Variants in DNAJC1 observed in about 807,000 individuals in gnomAD.
DNAJC1 encodes the protein dnaJ homolog subfamily C member 1.
In DNAJC1, 58 loss-of-function variants were observed where a neutral mutation model predicts 76.6. The observed-to-expected ratio is 0.76, with a 90% CI of 0.61 to 0.94. The LOEUF is 0.94. Among genes scored for constraint, DNAJC1 ranks in the 40% least tolerant of loss-of-function variants. The probability of loss-of-function intolerance (pLI) is 0.00; values close to 1 mark genes in which losing one functional copy is unlikely to be tolerated. For missense variants in DNAJC1, 689 were observed against 677.3 expected (o/e 1.02, Z -0.19); for synonymous variants, 258 against 267.9 (o/e 0.96, Z 0.36).
In DNAJC1 at chr10:21,820,734, G is replaced by A. The variant is rs560122610; in HGVS notation, c.979-14635C>T. 1.1e-4 allele frequency among the ~76,000 whole-genome samples: 17 copies of A among 152,342 alleles called. No homozygotes were observed. In the East Asian group the frequency reaches 3.1e-3, roughly 28 times the overall value. The stretch of plus-strand genomic sequence containing the variant: ...TCTGACCAACTGGTTTCAAGTTGGG[G>A]TTCCCATGACCCCCTCTTTGGGTTC... On this transcript the variant is annotated intron_variant, in intron 8 of 11. Transcript: ENST00000376980.
chr10:21,978,393 G>GA (rs1483920045), intron 1 of DNAJC1, among the ~76,000 whole-genome samples: 2 of 152,094 alleles, frequency 1.3e-5, no homozygotes, highest in African/African-American at 4.8e-5. Flanking sequence ...AGTAAAGTGG[G>GA]AAAGTCGATT....
rs192771829 is a variant in DNAJC1 at position 21,834,243 on chromosome 10, G to A, written c.979-28144C>T. Among the ~76,000 whole-genome samples, 539 of 151,822 alleles carry A rather than the reference G, an allele frequency of 3.6e-3. 3 individuals carry two copies. Among genetic ancestry groups the A allele is most frequent in the African/African-American group, 0.011 (475 of 41,442 alleles). ...CGTGCCACTGCACTCCAGCCTGGGC[G>A]ACAGAGCAAGACTCCATCTCAAAAA... On this transcript the variant is annotated intron_variant, in intron 8 of 11. Coordinates refer to ENST00000376980, the MANE Select transcript of DNAJC1 (RefSeq NM_022365.4).
chr10:21,866,812 CAG>C lies in DNAJC1; in HGVS notation c.978+15468_978+15469del, dbSNP rs546003220. On this transcript the variant is annotated intron_variant, in intron 8 of 11. Transcript: ENST00000376980. ...TCAACACAATTCAAAGGACTGAAAT[CAG>C]AGTGTGTTCTATTACAAAACAATTA... is the stretch of plus-strand genomic sequence containing the variant. 2.9e-3 allele frequency among the ~76,000 whole-genome samples: 434 copies of C among 152,176 alleles called. 7 individuals are homozygous for C. The highest frequency in any genetic ancestry group is 0.01 in the African/African-American group (421 of 41,464).
At chr10:21,834,038 G>A (rs1000369479) in intron 8 of DNAJC1, among the ~76,000 whole-genome samples, 16 of 152,084 alleles carry the variant, frequency 1.1e-4, no homozygotes, top group African/African-American at 3.9e-4. Context: ...GCTGAGGTGG[G>A]CGGACCACGA....
intron 1 of DNAJC1, among the ~76,000 whole-genome samples, chr10:21,940,707 T>C (rs1241649490): frequency 6.6e-6 from 1 of 152,120 alleles, no homozygotes; most frequent in African/African-American, 2.4e-5. Context: ...TTCTCCAAAA[T>C]ATAGATAAAC....
At chr10:21,871,072 C>T (rs1836095582) in intron 8 of DNAJC1, among the ~76,000 whole-genome samples, 1 of 151,982 alleles carries the variant, frequency 6.6e-6, no homozygotes. Flanking sequence ...TAAAACTAGC[C>T]TTATGCTAAG....
At chr10:21,845,318 TC>T (rs1835638978) in intron 8 of DNAJC1, among the ~76,000 whole-genome samples, 2 of 152,020 alleles carry the variant, frequency 1.3e-5, no homozygotes, top group Admixed American at 6.6e-5. Context: ...ACACTAAAAT[TC>T]CTAACTATGT....
chr10:21,901,897 T>C (rs537490856), intron 7 of DNAJC1, among the ~76,000 whole-genome samples: 1 of 152,318 alleles, frequency 6.6e-6, no homozygotes, highest in Admixed American at 6.5e-5. Flanking sequence ...ATTGGGGGAT[T>C]TGGGGCCTTT....
chr10:21,989,774 G>A (rs1838300918), intron 1 of DNAJC1, among the ~76,000 whole-genome samples: 1 of 152,112 alleles, frequency 6.6e-6, no homozygotes, highest in Admixed American at 6.5e-5. Flanking sequence ...TGTAACCTCA[G>A]GAGGGAGCCC....
At chr10:21,822,361 C>T (rs934446366) in intron 8 of DNAJC1, among the ~76,000 whole-genome samples, 2 of 152,036 alleles carry the variant, frequency 1.3e-5, no homozygotes, top group African/African-American at 2.4e-5. Flanking sequence ...ATCACTTGAA[C>T]CCAGGAGGCG....
chr10:21,761,549 T>TAA (rs369792978), intron 10 of DNAJC1, among the ~76,000 whole-genome samples: 1,883 of 131,394 alleles, frequency 0.014, 44 homozygotes, highest in African/African-American at 0.045. Flanking sequence ...AGACTCCGTC[T>TAA]AAAAAAAAAA....
At chr10:21,918,375 G>GT (rs11440840) in intron 6 of DNAJC1, among the ~76,000 whole-genome samples, 103,196 of 139,004 alleles carry the variant, frequency 0.74, 38,231 homozygotes, top group East Asian at 0.89. Context: ...TTCATGTAAA[G>GT]TTTTTTTTTT....
At chr10:21,966,769 T>C (rs544390350) in intron 1 of DNAJC1, among the ~76,000 whole-genome samples, 70 of 151,526 alleles carry the variant, frequency 4.6e-4, no homozygotes, top group African/African-American at 1.7e-3. Flanking sequence ...CACTGCAACT[T>C]CCGCCTCCTG....
intron 9 of DNAJC1, among the ~76,000 whole-genome samples, chr10:21,795,857 A>G (rs538625405): frequency 6.6e-6 from 1 of 152,214 alleles, no homozygotes; most frequent in African/African-American, 2.4e-5. Context: ...GTTATTTTAG[A>G]TAACTCATAA....
At chr10:21,987,065 C>T (rs1838259656) in intron 1 of DNAJC1, among the ~76,000 whole-genome samples, 1 of 151,908 alleles carries the variant, frequency 6.6e-6, no homozygotes, top group South Asian at 2.1e-4. Context: ...CACGCCCAGC[C>T]CAATGTATAG....
chr10:21,884,801 ATTGT>A (rs1467516740), intron 7 of DNAJC1, among the ~76,000 whole-genome samples: 2 of 152,176 alleles, frequency 1.3e-5, no homozygotes, highest in African/African-American at 4.8e-5. Context: ...AATAAATTCA[ATTGT>A]TTGTATTTAT....
chr10:21,934,642 A>C lies in DNAJC1; in HGVS notation c.223-5501T>G, dbSNP rs139885836. Among the ~76,000 whole-genome samples the C allele has an allele frequency of 1.6e-3, 246 of 152,326 alleles. 1 individual carries two copies. Among genetic ancestry groups the C allele is most frequent in the African/African-American group, 5.9e-3 (244 of 41,582 alleles). On this transcript the variant is annotated intron_variant, in intron 1 of 11. Transcript: ENST00000376980. ...AAATACTTTTGTGTTACAACTGCCT[A>C]CAGTGTTCAGTACAGTAACATGCTA...
intron 1 of DNAJC1, among the ~76,000 whole-genome samples, chr10:21,950,824 T>A (rs2131807212): frequency 6.6e-6 from 1 of 152,096 alleles, no homozygotes; most frequent in East Asian, 1.9e-4. Context: ...CAGAGCCTAA[T>A]CCAGGGCAAG....
intron 8 of DNAJC1, among the ~76,000 whole-genome samples, chr10:21,840,657 C>T (rs1270812581): frequency 1.4e-4 from 22 of 152,062 alleles, no homozygotes; most frequent in Admixed American, 4.6e-4. Flanking sequence ...GAATCAATAT[C>T]GTGAAAATGG....
Sources: gnomAD v4.1 joint callset for allele counts (sites outside exome capture counted in the v4.1 genomes callset) on GRCh38, gnomAD v4.1.1 for gene constraint, MANE v1.5 for transcripts, NCBI Gene and HGNC (gene_info 2026-07-23, HGNC 2026-07-21) for gene names.